Variants in CPQ observed in about 807,000 individuals in gnomAD.
The protein encoded by CPQ is carboxypeptidase Q, also known as Ser-Met dipeptidase.
In CPQ, 37 loss-of-function variants were observed where a neutral mutation model predicts 45.7. The ratio of observed to expected loss-of-function variants is 0.81; its 90% CI spans 0.62 to 1.07. The LOEUF (loss-of-function observed/expected upper bound fraction) is 1.07, where lower values mean the gene tolerates loss of function less well. CPQ is among the 50% of genes least tolerant of loss of function. The pLI, the probability that CPQ is intolerant of heterozygous loss-of-function variation, is 0.00. For synonymous variants in CPQ, 186 were observed against 205.8 expected (o/e 0.90, Z 0.82); for missense variants, 537 against 572.9 (o/e 0.94, Z 0.64).
intron 1 of CPQ, among the ~76,000 whole-genome samples, chr8:96,652,131 C>T (rs577934179): frequency 6.6e-6 from 1 of 152,302 alleles, no homozygotes; most frequent in East Asian, 1.9e-4. Context: ...CCATTTTCCC[C>T]AACCCCTCAG....
intron 3 of CPQ, among the ~76,000 whole-genome samples, chr8:96,869,023 AAC>A (rs981657539): frequency 1.1e-3 from 167 of 152,126 alleles, no homozygotes; most frequent in Middle Eastern, 6.8e-3. Context: ...TCTAAGTCTA[AAC>A]ACATATTCTA....
intron 1 of CPQ, among the ~76,000 whole-genome samples, chr8:96,655,256 T>A (rs1158904955): frequency 6.6e-6 from 1 of 152,172 alleles, no homozygotes; most frequent in Non-Finnish European, 1.5e-5. Context: ...GTTTTCTTCA[T>A]CTTTTCCATT....
At chr8:97,097,993 G>A (rs1438628424) in intron 7 of CPQ, among the ~76,000 whole-genome samples, 3 of 152,146 alleles carry the variant, frequency 2.0e-5, no homozygotes, top group Admixed American at 6.5e-5. Context: ...AAAATGATTT[G>A]TTGAACATAC....
At chr8:97,097,496 T>C (rs1275704339) in intron 7 of CPQ, among the ~76,000 whole-genome samples, 1 of 152,182 alleles carries the variant, frequency 6.6e-6, no homozygotes, top group Non-Finnish European at 1.5e-5. Context: ...TTAGTCCTAC[T>C]CTCTGTCAAG....
At chr8:96,806,362 C>T (rs1395014300) in intron 2 of CPQ, among the ~76,000 whole-genome samples, 1 of 152,080 alleles carries the variant, frequency 6.6e-6, no homozygotes, top group African/African-American at 2.4e-5. Flanking sequence ...ATGAGTTGCT[C>T]CTACAGCCAC....
At chr8:96,824,706 C>G (rs927916457) in intron 2 of CPQ, among the ~76,000 whole-genome samples, 2 of 151,916 alleles carry the variant, frequency 1.3e-5, no homozygotes, top group African/African-American at 2.4e-5. Context: ...GCGTATGTGC[C>G]TAAGTTTCTG....
intron 4 of CPQ, among the ~76,000 whole-genome samples, chr8:96,957,542 C>T (rs577071793): frequency 6.6e-6 from 1 of 152,170 alleles, no homozygotes; most frequent in Non-Finnish European, 1.5e-5. Flanking sequence ...GTGGCTCATG[C>T]CTTTAATCTC....
chr8:96,719,928 G>A (rs1002625363), intron 1 of CPQ, among the ~76,000 whole-genome samples: 31 of 152,136 alleles, frequency 2.0e-4, no homozygotes, highest in Non-Finnish European at 4.0e-4. Flanking sequence ...GGGGACTTAC[G>A]GTTTTCTGCC....
intron 4 of CPQ, among the ~76,000 whole-genome samples, chr8:96,895,989 A>T (rs1812436999): frequency 6.6e-6 from 1 of 152,066 alleles, no homozygotes; most frequent in South Asian, 2.1e-4. Flanking sequence ...CAATGTTTAT[A>T]TCAGAAGGGT....
chr8:97,051,776 C>A (rs934381391), intron 6 of CPQ, among the ~76,000 whole-genome samples: 9 of 152,140 alleles, frequency 5.9e-5, no homozygotes, highest in Admixed American at 5.9e-4. Context: ...TATTATTTAC[C>A]TTATGGCTGA....
intron 3 of CPQ, among the ~76,000 whole-genome samples, chr8:96,869,261 C>T (rs1812034226): frequency 6.6e-6 from 1 of 151,940 alleles, no homozygotes. Context: ...TGGAAGGCTG[C>T]CAAATGCTCT....
At position 96,723,465 on chromosome 8, in the gene CPQ, T is replaced by C. The variant is rs1809794020; in HGVS notation, c.-34-61399T>C. ...CACCCCTTTGGTTTGTTTTATGTGA[T>C]AGAACCCTCTTAGGAGAGAGCCCAA... On this transcript the variant is annotated intron_variant, in intron 1 of 7. Coordinates refer to ENST00000220763, the MANE Select transcript of CPQ (RefSeq NM_016134.4). 5.9e-5 allele frequency among the ~76,000 whole-genome samples: 9 copies of C among 152,176 alleles called. No individual in the cohort carries two copies. The South Asian group carries it at 1.7e-3, about 28-fold the overall frequency.
chr8:96,924,429 C>T (rs1222091095), intron 4 of CPQ, among the ~76,000 whole-genome samples: 1 of 152,188 alleles, frequency 6.6e-6, no homozygotes, highest in Non-Finnish European at 1.5e-5. Context: ...AATATTGTAA[C>T]CCAAAGCGCC....
intron 5 of CPQ, among the ~76,000 whole-genome samples, chr8:96,974,928 G>T (rs1032110760): frequency 6.6e-6 from 1 of 151,866 alleles, no homozygotes; most frequent in African/African-American, 2.4e-5. Context: ...AGAACCAATA[G>T]ACAACCTAAG....
chr8:96,711,968 A>C (rs1004420922), intron 1 of CPQ, among the ~76,000 whole-genome samples: 15 of 152,192 alleles, frequency 9.9e-5, no homozygotes, highest in African/African-American at 3.6e-4. Context: ...AATTGAAAGC[A>C]AGTTAATTAC....
chr8:97,016,166 A>T (rs1030334391), intron 5 of CPQ, among the ~76,000 whole-genome samples: 1 of 152,196 alleles, frequency 6.6e-6, no homozygotes, highest in African/African-American at 2.4e-5. Context: ...AGCTGATGGA[A>T]AATTTTGGTG....
At chr8:96,677,239 G>A (rs891496434) in intron 1 of CPQ, among the ~76,000 whole-genome samples, 1 of 152,036 alleles carries the variant, frequency 6.6e-6, no homozygotes, top group Admixed American at 6.6e-5. Flanking sequence ...GTTCTTTAAG[G>A]AATCTCCATA....
intron 7 of CPQ, among the ~76,000 whole-genome samples, chr8:97,116,853 A>T (rs1563584905): frequency 1.3e-5 from 2 of 152,262 alleles, no homozygotes; most frequent in Non-Finnish European, 2.9e-5. Context: ...CCTAAGAGAA[A>T]GCTCAGTTGT....
intron 5 of CPQ, among the ~76,000 whole-genome samples, chr8:97,026,509 T>C (rs79952185): frequency 0.021 from 3,168 of 152,270 alleles, 96 homozygotes; most frequent in African/African-American, 0.068. Context: ...GTCTAATTCT[T>C]GAATGAAACC....
Sources: allele counts gnomAD v4.1 joint callset (sites outside exome capture counted in the v4.1 genomes callset), GRCh38; gene constraint gnomAD v4.1.1; transcripts MANE v1.5; gene names NCBI Gene and HGNC (gene_info 2026-07-23, HGNC 2026-07-21).